Variants in PLCL1 observed in about 807,000 individuals in gnomAD.
PLCL1 encodes inactive phospholipase C-like protein 1.
Under a neutral mutation model 84.4 loss-of-function variants are expected in PLCL1, and 41 were observed. That is an observed-to-expected ratio of 0.49 (90% confidence interval 0.38 to 0.63). PLCL1 has a LOEUF of 0.63. Ranked by LOEUF, PLCL1 falls within the 30% of genes least tolerant of loss-of-function variation. The pLI, the probability that PLCL1 is intolerant of heterozygous loss-of-function variation, is 0.00. For synonymous variants in PLCL1, 490 were observed against 488.3 expected, an observed-to-expected ratio of 1.00 and a Z score of -0.05; for missense variants, 1,206 against 1,367.8, an observed-to-expected ratio of 0.88 and a Z score of 1.87.
At chr2:198,027,819 T>TTTTTC (rs1483314437) in intron 1 of PLCL1, among the ~76,000 whole-genome samples, 7 of 151,966 alleles carry the variant, frequency 4.6e-5, no homozygotes, top group African/African-American at 7.3e-5. Flanking sequence ...ACTTTGAATC[T>TTTTTC]TTTTCTTTTC....
intron 1 of PLCL1, among the ~76,000 whole-genome samples, chr2:197,819,746 C>T (rs1349381211): frequency 6.6e-6 from 1 of 151,972 alleles, no homozygotes; most frequent in East Asian, 1.9e-4. Flanking sequence ...TTCAAGCGTT[C>T]ATGTTATAGA....
At chr2:198,128,169 C>T (rs191203090) in intron 5 of PLCL1, among the ~76,000 whole-genome samples, 7 of 152,170 alleles carry the variant, frequency 4.6e-5, no homozygotes, top group East Asian at 1.9e-4. Context: ...GCCCCTTAAC[C>T]GACTGAATGG....
chr2:197,825,277 T>C (rs700671), intron 1 of PLCL1, among the ~76,000 whole-genome samples: 110,473 of 152,082 alleles, frequency 0.73, 41,174 homozygotes, highest in African/African-American at 0.9. Context: ...ATTCAGCTGC[T>C]GTATGACACT....
At chr2:197,884,687 A>G (rs1687887268) in intron 1 of PLCL1, among the ~76,000 whole-genome samples, 2 of 152,134 alleles carry the variant, frequency 1.3e-5, no homozygotes, top group African/African-American at 4.8e-5. Flanking sequence ...TTCATTCCCC[A>G]TATGCAAATT....
At chr2:198,037,354 A>G (rs1308409434) in intron 1 of PLCL1, among the ~76,000 whole-genome samples, 1 of 152,204 alleles carries the variant, frequency 6.6e-6, no homozygotes, top group Non-Finnish European at 1.5e-5. Context: ...ATTACATACT[A>G]TAGTGCCATC....
rs3056105 is a variant in PLCL1 at position 197,903,468 on chromosome 2, A to ATTTTTTTTTTTTTT, written c.240+98149_240+98162dup. ...GTATCTTCCTTTTTACTCCATTTAA[A>ATTTTTTTTTTTTTT]TTTTTTTTTTTTTTTTTTTTTTTTT... is the stretch of plus-strand genomic sequence containing the variant. On this transcript the variant is annotated intron_variant, in intron 1 of 5. Transcript: ENST00000428675. Among the ~76,000 whole-genome samples, 76 of 47,794 alleles carry ATTTTTTTTTTTTTT rather than the reference A, an allele frequency of 1.6e-3. 11 individuals are homozygous for ATTTTTTTTTTTTTT. The highest frequency in any genetic ancestry group is 0.056 in the Middle Eastern group (2 of 36). The allele number at this position is 47,794 out of a possible 152,430, so 31.4% of individuals were successfully genotyped here.
intron 1 of PLCL1, among the ~76,000 whole-genome samples, chr2:197,992,481 T>A (rs1375670716): frequency 6.6e-6 from 1 of 151,920 alleles, no homozygotes; most frequent in Non-Finnish European, 1.5e-5. Flanking sequence ...CCCAGGCTGG[T>A]CTCAAACTCC....
chr2:198,012,576 G>A (rs1304165), intron 1 of PLCL1, among the ~76,000 whole-genome samples: 30,790 of 151,678 alleles, frequency 0.2, 3,151 homozygotes, highest in East Asian at 0.26. Context: ...ATTACTGATA[G>A]GGAAGGACTT....
At chr2:197,858,453 C>T (rs912112589) in intron 1 of PLCL1, among the ~76,000 whole-genome samples, 2 of 152,090 alleles carry the variant, frequency 1.3e-5, no homozygotes, top group Admixed American at 1.3e-4. Context: ...ATCGCGTTCT[C>T]CCTTATGCGG....
chr2:198,089,210 A>C (rs1692960456), intron 3 of PLCL1, 149 bp downstream of exon 3: 1 of 647,914 alleles, frequency 1.5e-6, no homozygotes, highest in South Asian at 1.8e-5. Flanking sequence ...CGGCCCATTC[A>C]GCTTCTGCTA....
intron 1 of PLCL1, among the ~76,000 whole-genome samples, chr2:197,980,320 G>T (rs766246386): frequency 2.2e-4 from 33 of 152,134 alleles, no homozygotes; most frequent in African/African-American, 8.0e-4. Context: ...GAGAGGAAGC[G>T]GAGATTAAGT....
chr2:197,879,040 T>G (rs1021532655), intron 1 of PLCL1, among the ~76,000 whole-genome samples: 190 of 152,304 alleles, frequency 1.2e-3, no homozygotes, highest in African/African-American at 4.2e-3. Context: ...GCAGTTGTCT[T>G]CCTCCCGCTG....
At chr2:197,926,430 T>C (rs919683617) in intron 1 of PLCL1, among the ~76,000 whole-genome samples, 2 of 152,234 alleles carry the variant, frequency 1.3e-5, no homozygotes, top group African/African-American at 4.8e-5. Flanking sequence ...CCTTTATCTT[T>C]ATGCAATGTT....
chr2:197,964,742 A>G (rs1689692889), intron 1 of PLCL1, among the ~76,000 whole-genome samples: 1 of 151,990 alleles, frequency 6.6e-6, no homozygotes, highest in Non-Finnish European at 1.5e-5. Flanking sequence ...GGCTTTTATT[A>G]TTTTGAGGTA....
intron 1 of PLCL1, among the ~76,000 whole-genome samples, chr2:197,887,209 T>C (rs1245056052): frequency 6.6e-6 from 1 of 152,156 alleles, no homozygotes; most frequent in Non-Finnish European, 1.5e-5. Context: ...AGGAGTAAAC[T>C]ACAATATATT....
intron 1 of PLCL1, among the ~76,000 whole-genome samples, chr2:197,848,828 G>T (rs1297503681): frequency 6.6e-6 from 1 of 152,046 alleles, no homozygotes; most frequent in East Asian, 1.9e-4. Context: ...CTTTTATCAG[G>T]AGAAATATAG....
intron 5 of PLCL1, among the ~76,000 whole-genome samples, chr2:198,114,195 C>A (rs1299185039): frequency 6.6e-6 from 1 of 151,868 alleles, no homozygotes; most frequent in East Asian, 1.9e-4. Context: ...AATAGGCAGA[C>A]TGGTTACATG....
At chr2:198,051,000 C>A (rs540231530) in intron 1 of PLCL1, among the ~76,000 whole-genome samples, 1 of 152,156 alleles carries the variant, frequency 6.6e-6, no homozygotes, top group Non-Finnish European at 1.5e-5. Flanking sequence ...AACATTTTAA[C>A]GTGGTACAAC....
At chr2:197,807,111 G>A (rs1690501854) in intron 1 of PLCL1, among the ~76,000 whole-genome samples, 1 of 152,150 alleles carries the variant, frequency 6.6e-6, no homozygotes, top group Non-Finnish European at 1.5e-5. Context: ...AGAAAATAAA[G>A]TGAATTATTA....
Sources: gnomAD v4.1 joint callset for allele counts (sites outside exome capture counted in the v4.1 genomes callset) on GRCh38, gnomAD v4.1.1 for gene constraint, MANE v1.5 for transcripts, NCBI Gene and HGNC (gene_info 2026-07-23, HGNC 2026-07-21) for gene names.